The following CAMK4 variants were observed in gnomAD, a reference collection of about 807,000 sequenced individuals.
The protein encoded by CAMK4 is calcium/calmodulin-dependent protein kinase type IV.
Under a neutral mutation model 44.9 loss-of-function variants are expected in CAMK4, and 22 were observed. The ratio of observed to expected loss-of-function variants is 0.49; its 90% CI spans 0.35 to 0.70. The LOEUF (loss-of-function observed/expected upper bound fraction) is 0.70, where lower values mean the gene tolerates loss of function less well. Among genes scored for constraint, CAMK4 ranks in the 30% least tolerant of loss-of-function variants. The pLI is 0.01. For missense variants in CAMK4, 498 were observed against 586.8 expected (o/e 0.85, Z 1.56); for synonymous variants, 218 against 215.4 (o/e 1.01, Z -0.11).
intron 1 of CAMK4, among the ~76,000 whole-genome samples, chr5:111,328,766 T>C (rs1749018386): frequency 6.6e-6 from 1 of 152,056 alleles, no homozygotes; most frequent in African/African-American, 2.4e-5. Flanking sequence ...TTATTCTCCT[T>C]GAAGCAATTG....
Position 111,317,898 on chromosome 5 carries a change from T to TA in CAMK4, c.162-26096dup, listed in dbSNP as rs3066636. Among the ~76,000 whole-genome samples, 339 of 69,824 alleles carry TA rather than the reference T, an allele frequency of 4.9e-3. 5 individuals are homozygous for TA. The highest frequency in any genetic ancestry group is 7.3e-3 in the African/African-American group (142 of 19,434). 45.8% of individuals were successfully genotyped at this position (69,824 alleles called of 152,430 possible). ...ATCCTAAAGCCGGTGGAGTAATATGTAAAAAAAAAAAAAAAAAAAAAAAAA... is the reference window on the plus strand; with the variant it reads ...ATCCTAAAGCCGGTGGAGTAATATGTAAAAAAAAAAAAAAAAAAAAAAAAAA... On this transcript the variant is annotated intron_variant, in intron 1 of 10. Coordinates refer to ENST00000282356, the MANE Select transcript of CAMK4 (RefSeq NM_001744.6).
At chr5:111,438,014 C>T (rs1007284802) in intron 5 of CAMK4, among the ~76,000 whole-genome samples, 2 of 152,148 alleles carry the variant, frequency 1.3e-5, no homozygotes, top group African/African-American at 2.4e-5. Flanking sequence ...ATGAAAGAGA[C>T]AGGGCCATTC....
chr5:111,337,711 G>C (rs1261795587), intron 1 of CAMK4, among the ~76,000 whole-genome samples: 1 of 151,054 alleles, frequency 6.6e-6, no homozygotes, highest in East Asian at 1.9e-4. Flanking sequence ...ATTGCTTTTT[G>C]AGAAAGGTCA....
At chr5:111,470,712 C>G (rs897676226) in intron 7 of CAMK4, among the ~76,000 whole-genome samples, 1 of 152,130 alleles carries the variant, frequency 6.6e-6, no homozygotes, top group Non-Finnish European at 1.5e-5. Context: ...TCAGAAGGAA[C>G]CAAGTTACTA....
chr5:111,228,704 G>A (rs922440329), intron 1 of CAMK4, among the ~76,000 whole-genome samples: 18 of 152,172 alleles, frequency 1.2e-4, no homozygotes, highest in African/African-American at 4.1e-4. Context: ...TTGTGATTCA[G>A]TTTGAAAAGT....
intron 1 of CAMK4, among the ~76,000 whole-genome samples, chr5:111,280,091 C>T (rs1750946344): frequency 1.3e-5 from 2 of 152,256 alleles, no homozygotes; most frequent in African/African-American, 4.8e-5. Flanking sequence ...AGGCAGTTTT[C>T]ATGAAAAGAA....
chr5:111,383,710 C>A (rs560146292), intron 4 of CAMK4, among the ~76,000 whole-genome samples: 1 of 151,824 alleles, frequency 6.6e-6, no homozygotes, highest in South Asian at 2.1e-4. Context: ...CGTGATCCAC[C>A]CACCTCGGCC....
intron 1 of CAMK4, among the ~76,000 whole-genome samples, chr5:111,285,527 T>C (rs990717447): frequency 1.3e-5 from 2 of 152,218 alleles, no homozygotes; most frequent in African/African-American, 4.8e-5. Context: ...CTCTACATAA[T>C]GATGTCACCC....
At position 111,299,111 on chromosome 5, in the gene CAMK4, G is replaced by A. The variant is rs180872599; in HGVS notation, c.162-44913G>A. Among the ~76,000 whole-genome samples the A allele has an allele frequency of 3.5e-3, 535 of 152,316 alleles. 4 individuals are homozygous for A. The highest frequency in any genetic ancestry group is 4.0e-3 in the Non-Finnish European group (275 of 67,998). ...ATGTCCCTACCTGGAAGATGCCCTC[G>A]GCCTAGGAGGTGGAGTGTAAGGGAA... On this transcript the variant is annotated intron_variant, in intron 1 of 10. Transcript: ENST00000282356.
Position 111,376,860 on chromosome 5 carries a change from A to G in CAMK4, c.304A>G (p.Ile102Val), listed in dbSNP as rs928027119. The change falls in exon 4 of 11, where the codon ATA (isoleucine) becomes GTA (valine). Residue 102 changes from isoleucine (I) to valine (V), a missense_variant and splice_region_variant. Ile to Val is a conservative substitution (Grantham distance 29). Around this residue, in one of 3 missense-constraint regions of CAMK4, gnomAD observed 152 missense variants for 143.7 expected, o/e 1.06. Transcript: ENST00000282356. Reference sequence around the variant, plus strand: ...TTCTTTTTTTTATATCTTTCCCTAGATAAAACTTAAAGAGATATTTGAAAC... The same window carrying G: ...TTCTTTTTTTTATATCTTTCCCTAGGTAAAACTTAAAGAGATATTTGAAAC... ...VLLRLSHPNIIKLKEIFETPT... is the reference protein window; with the variant it reads ...VLLRLSHPNIVKLKEIFETPT... The G allele has an allele frequency of 2.6e-6, 4 of 1,556,948 alleles. No individual in the cohort carries two copies. Among genetic ancestry groups the G allele is most frequent in the East Asian group, 2.3e-5 (1 of 44,232 alleles).
chr5:111,347,898 T>C (rs1002158264), intron 2 of CAMK4, among the ~76,000 whole-genome samples: 2 of 152,044 alleles, frequency 1.3e-5, no homozygotes, highest in Non-Finnish European at 2.9e-5. Flanking sequence ...AAATATTCCA[T>C]TCAATATTTT....
At chr5:111,337,640 T>C (rs1274998335) in intron 1 of CAMK4, among the ~76,000 whole-genome samples, 1 of 151,050 alleles carries the variant, frequency 6.6e-6, no homozygotes, top group Admixed American at 6.6e-5. Flanking sequence ...GACTAGGTGG[T>C]CTTCAGTATG....
chr5:111,358,458 A>G (rs536899457), intron 2 of CAMK4, among the ~76,000 whole-genome samples: 1 of 152,082 alleles, frequency 6.6e-6, no homozygotes, highest in Non-Finnish European at 1.5e-5. Context: ...TCTCTACCCC[A>G]AAGTTGAAGA....
chr5:111,346,423 T>C (rs1203865869), intron 2 of CAMK4, among the ~76,000 whole-genome samples: 1 of 151,936 alleles, frequency 6.6e-6, no homozygotes, highest in Non-Finnish European at 1.5e-5. Context: ...ATTACTTCAA[T>C]GGATGGTTTC....
chr5:111,293,840 G>A (rs1747378148), intron 1 of CAMK4, among the ~76,000 whole-genome samples: 1 of 140,728 alleles, frequency 7.1e-6, no homozygotes, highest in African/African-American at 2.7e-5. Context: ...TCCGCCTCCC[G>A]GGTTCATGCC....
intron 7 of CAMK4, 86 bp downstream of exon 7, chr5:111,449,289 T>C (rs1308010963): frequency 2.0e-5 from 12 of 600,190 alleles, no homozygotes; most frequent in Admixed American, 9.9e-5. Flanking sequence ...AAATTCCTAA[T>C]ATTTCTATTT....
intron 4 of CAMK4, among the ~76,000 whole-genome samples, chr5:111,377,701 A>G (rs1751267406): frequency 6.6e-6 from 1 of 152,174 alleles, no homozygotes; most frequent in African/African-American, 2.4e-5. Flanking sequence ...TAATCAAAAA[A>G]GAATGGACTT....
intron 1 of CAMK4, among the ~76,000 whole-genome samples, chr5:111,331,164 T>TA (rs1242396377): frequency 2.6e-5 from 4 of 151,490 alleles, no homozygotes; most frequent in Admixed American, 6.6e-5. Flanking sequence ...TTAAGAACAA[T>TA]AACAAAGCAA....
chr5:111,422,829 C>A (rs1753080312), intron 5 of CAMK4, among the ~76,000 whole-genome samples: 1 of 152,056 alleles, frequency 6.6e-6, no homozygotes, highest in Non-Finnish European at 1.5e-5. Context: ...TCCTGAAATC[C>A]TGTGGCATTT....
Sources: allele counts gnomAD v4.1 joint callset (sites outside exome capture counted in the v4.1 genomes callset), GRCh38; gene constraint gnomAD v4.1.1; regional missense constraint gnomAD v4.1.1; transcripts MANE v1.5; gene names NCBI Gene and HGNC (gene_info 2026-07-23, HGNC 2026-07-21).